SCAF1: variants seen among roughly 807,000 people sequenced by gnomAD.
SCAF1 encodes SR-related CTD associated factor 1.
In SCAF1, 28 loss-of-function variants were observed where a neutral mutation model predicts 91.2. That is an observed-to-expected ratio of 0.31 (90% confidence interval 0.23 to 0.42). SCAF1 has a LOEUF of 0.42. SCAF1 is among the 10% of genes least tolerant of loss of function. The pLI, the probability that SCAF1 is intolerant of heterozygous loss-of-function variation, is 1.00. For missense variants in SCAF1, 1,893 were observed against 1,872.1 expected (o/e 1.01, Z -0.21); for synonymous variants, 1,036 against 833.7 (o/e 1.24, Z -4.18).
At chr19:49,649,835 G>A (rs2081075452) in intron 6 of SCAF1, among the ~76,000 whole-genome samples, 1 of 152,218 alleles carries the variant, frequency 6.6e-6, no homozygotes, top group African/African-American at 2.4e-5. Flanking sequence ...CCATTTTATA[G>A]ATGAGGAAAC....
chr19:49,647,929 T>G (rs765918505), intron 6 of SCAF1, among the ~76,000 whole-genome samples: 7 of 150,262 alleles, frequency 4.7e-5, no homozygotes, highest in East Asian at 4.0e-4. Context: ...CACTGTGCCC[T>G]GCTACCTTGT....
At position 49,646,491 on chromosome 19, in the gene SCAF1, C is replaced by T. The variant is rs1394654552; in HGVS notation, c.262-35C>T. The T allele has an allele frequency of 6.3e-7, 1 of 1,581,348 alleles. No individual in the cohort carries two copies. Among genetic ancestry groups the T allele is most frequent in the Non-Finnish European group, 8.7e-7 (1 of 1,150,886 alleles). On this transcript the variant is annotated intron_variant, in intron 4 of 10. Coordinates refer to ENST00000360565, the MANE Select transcript of SCAF1 (RefSeq NM_021228.3). The surrounding 1 kb of genome is among the most constrained non-coding windows in gnomAD (Gnocchi z 5.6). ...CAGGATTTGCCAGTCTTCATGTGACCAGGGACGGCGTAGAGCCTCTCTGGC... is the reference window on the plus strand; with the variant it reads ...CAGGATTTGCCAGTCTTCATGTGACTAGGGACGGCGTAGAGCCTCTCTGGC...
In SCAF1 at chr19:49,651,018, C is replaced by G; in HGVS notation, c.629C>G (p.Pro210Arg). 1.3e-6 allele frequency: 1 copy of G among 749,938 alleles called. No individual in the cohort carries two copies. The highest frequency in any genetic ancestry group is 2.0e-6 in the Non-Finnish European group (1 of 492,144). The allele number at this position is 749,938 out of a possible 1,614,324, so 46.5% of individuals were successfully genotyped here. A position where few individuals can be genotyped will look rare whatever the true frequency, so the allele number is the denominator to read the frequency against. The change falls in exon 7 of 11, where the codon CCA (proline) becomes CGA (arginine). Residue 210 changes from proline (P) to arginine (R), a missense_variant. Coordinates refer to ENST00000360565, the MANE Select transcript of SCAF1 (RefSeq NM_021228.3). ...TCATCTTCCTCCCCTTCCCCTCCCC[C>G]ACCCCCACCGCCCCCTGCACCCCCA... ...SPSSSSPSPPPPPPPPAPPAP... is the reference protein window; with the variant it reads ...SPSSSSPSPPRPPPPPAPPAP...
chr19:49,652,374 C>T lies in SCAF1; in HGVS notation c.1985C>T (p.Ala662Val). ...CGGTCTGGGGATGGCAGCGAGAAGG[C>T]CCCGGCGCCCGCCCCGCCGCCCTCT... ...EKRSGDGSEK[A>V]PAPAPPPSGS... The change falls in exon 7 of 11, where the codon GCC (alanine) becomes GTC (valine). Residue 662 changes from alanine to valine, a missense_variant. Physicochemically the swap from Ala to Val is moderately conservative, Grantham distance 64. Coordinates refer to ENST00000360565, the MANE Select transcript of SCAF1 (RefSeq NM_021228.3). 4.5e-6 allele frequency: 7 copies of T among 1,542,454 alleles called. No individual in the cohort carries two copies. The highest frequency in any genetic ancestry group is 1.2e-5 in the South Asian group (1 of 83,922).
At chr19:49,641,461 C>T (rs1198154420), upstream of SCAF1, among the ~76,000 whole-genome samples, 1 of 152,062 alleles carries the variant, frequency 6.6e-6, no homozygotes, top group East Asian at 1.9e-4. Flanking sequence ...GGATTACAGG[C>T]GTTAGCCACC....
chr19:49,653,640 T>C lies in SCAF1; in HGVS notation c.3251T>C (p.Leu1084Ser). The change falls in exon 7 of 11, where the codon TTG (leucine) becomes TCG (serine). Residue 1084 changes from leucine (L) to serine (S), a missense_variant. Coordinates refer to ENST00000360565, the MANE Select transcript of SCAF1 (RefSeq NM_021228.3). ...TCCCGTGTCTCCCAGCTGCCCACGTTGCCCCCGCCCATGCCCTGGAATCTG... is the reference window on the plus strand; with the variant it reads ...TCCCGTGTCTCCCAGCTGCCCACGTCGCCCCCGCCCATGCCCTGGAATCTG... ...PASRVSQLPT[L>S]PPPMPWNLPA... 8 of 1,585,806 alleles carry C rather than the reference T, an allele frequency of 5.0e-6. No individual in the cohort carries two copies. The South Asian group carries it at 7.9e-5, about 16-fold the overall frequency.
intron 7 of SCAF1, 106 bp from the exon 8 acceptor site, chr19:49,654,243 C>T (rs2122512654): frequency 1.1e-6 from 1 of 949,968 alleles, no homozygotes; most frequent in African/African-American, 1.6e-5. Flanking sequence ...TGTGGCTGTT[C>T]TGGGGCCAAG....
At position 49,652,541 on chromosome 19, in the gene SCAF1, C is replaced by G. The variant is rs373236393; in HGVS notation, c.2152C>G (p.Pro718Ala). 1.3e-6 allele frequency: 2 copies of G among 1,568,956 alleles called. No individual in the cohort carries two copies. Among genetic ancestry groups the G allele is most frequent in the African/African-American group, 2.7e-5 (2 of 73,758 alleles). Reference protein sequence around the residue: ...GRLDKSDPRGPSPAPASSPKR... With the variant: ...GRLDKSDPRGASPAPASSPKR... ...GCTTGACAAGTCCGACCCCCGAGGA[C>G]CCTCTCCTGCTCCGGCCTCCTCACC... The change falls in exon 7 of 11, where the codon CCC becomes GCC. Residue 718 changes from proline (P) to alanine (A), a missense_variant. Around this residue, in one of 5 missense-constraint regions of SCAF1, gnomAD observed 1,436 missense variants for 1,306.8 expected, o/e 1.10. Coordinates refer to ENST00000360565, the MANE Select transcript of SCAF1 (RefSeq NM_021228.3).
intron 9 of SCAF1, among the ~76,000 whole-genome samples, chr19:49,655,920 C>T (rs929993921): frequency 6.6e-6 from 1 of 152,234 alleles, no homozygotes; most frequent in African/African-American, 2.4e-5. Context: ...ATTCTCCCAC[C>T]TCAGCCTCCC....
chr19:49,641,891 T>C (rs1168799215), upstream of SCAF1, among the ~76,000 whole-genome samples: 3 of 152,206 alleles, frequency 2.0e-5, no homozygotes, highest in Non-Finnish European at 4.4e-5. Context: ...TCACCTCCTG[T>C]TCCGCCACCC....
chr19:49,646,213 A>T lies in SCAF1; in HGVS notation c.261+11A>T, dbSNP rs759003891. Reference sequence around the variant, plus strand: ...ACTGACACGGCTACTGTGAGTAAGAAGAGGGGGCTGGGGGCCTGGCTCACG... The same window carrying T: ...ACTGACACGGCTACTGTGAGTAAGATGAGGGGGCTGGGGGCCTGGCTCACG... On this transcript the variant is annotated intron_variant, in intron 4 of 10. Transcript: ENST00000360565. The surrounding 1 kb of genome is among the most constrained non-coding windows in gnomAD (Gnocchi z 5.6). 9 of 1,560,230 alleles carry T rather than the reference A, an allele frequency of 5.8e-6. No individual in the cohort carries two copies. Among genetic ancestry groups the T allele is most frequent in the Non-Finnish European group, 6.9e-6 (8 of 1,153,656 alleles).
Position 49,646,873 on chromosome 19 carries a change from T to G in SCAF1, c.478+43T>G. 6.7e-7 allele frequency: 1 copy of G among 1,485,052 alleles called. No homozygotes were observed. Among genetic ancestry groups the G allele is most frequent in the Non-Finnish European group, 9.2e-7 (1 of 1,089,344 alleles). 92.0% of individuals were successfully genotyped at this position (1,485,052 alleles called of 1,614,324 possible). Reference sequence around the variant, plus strand: ...GGAGCTGGGCAGGTGGTCGTGGAGTTGTGTGGGGATCGGCTGTTTTTGGTA... The same window carrying G: ...GGAGCTGGGCAGGTGGTCGTGGAGTGGTGTGGGGATCGGCTGTTTTTGGTA... On this transcript the variant is annotated intron_variant, in intron 6 of 10. Transcript: ENST00000360565. The surrounding 1 kb of genome is among the most constrained non-coding windows in gnomAD (Gnocchi z 5.6).
rs1219751526 is a variant in SCAF1, at chr19:49,652,109, TCCCGC to T, written c.1721_1725del (p.Ser574PhefsTer77). ...CGCCTCGTCGTCCGCCCGCCGCCGCTCCCGCTCCCGCTCCCGCTCCCGCTCCACCC... is the reference window on the plus strand; with the variant it reads ...CGCCTCGTCGTCCGCCCGCCGCCGCTTCCCGCTCCCGCTCCCGCTCCACCC... On this transcript the variant is annotated frameshift_variant, in exon 7 of 11. Transcript: ENST00000360565. LOFTEE classifies it high-confidence loss of function. 1.2e-5 allele frequency: 5 copies of T among 424,592 alleles called. No individual in the cohort carries two copies. The highest frequency in any genetic ancestry group is 2.0e-4 in the Admixed American group (1 of 5,080). 26.3% of individuals were successfully genotyped at this position (424,592 alleles called of 1,614,324 possible).
At position 49,658,188 on chromosome 19, in the gene SCAF1, A is replaced by G. The variant is rs1158898405; in HGVS notation, c.3748-20A>G. ...GCCCCGGGAGCCTGGTGGTGACTCCAACTGTCCCCGGCCCCCCAGATCTGC... is the reference window on the plus strand; with the variant it reads ...GCCCCGGGAGCCTGGTGGTGACTCCGACTGTCCCCGGCCCCCCAGATCTGC... On this transcript the variant is annotated intron_variant, in intron 10 of 10. Transcript: ENST00000360565. 2 of 1,605,282 alleles carry G rather than the reference A, an allele frequency of 1.2e-6. No homozygotes were observed. The highest frequency in any genetic ancestry group is 2.7e-5 in the African/African-American group (2 of 74,832).
At position 49,646,662 on chromosome 19, in the gene SCAF1, A is replaced by T; in HGVS notation, c.362+36A>T. On this transcript the variant is annotated intron_variant, in intron 5 of 10. Coordinates refer to ENST00000360565, the MANE Select transcript of SCAF1 (RefSeq NM_021228.3). The surrounding 1 kb of genome is among the most constrained non-coding windows in gnomAD (Gnocchi z 5.6). ...GGGCAGCTGGAGTGGGAGAGGCCTC[A>T]GCGTGAGAGCCAGAAGCACCCCTGA... 2 of 1,612,668 alleles carry T rather than the reference A, an allele frequency of 1.2e-6. No homozygotes were observed. Among genetic ancestry groups the T allele is most frequent in the Middle Eastern group, 3.3e-4 (2 of 6,054 alleles).
At chr19:49,649,656 C>T (rs558533045) in intron 6 of SCAF1, among the ~76,000 whole-genome samples, 5 of 152,288 alleles carry the variant, frequency 3.3e-5, no homozygotes, top group East Asian at 1.9e-4. Flanking sequence ...CCACCACACC[C>T]GGCTAATTTG....
Position 49,652,516 on chromosome 19 carries a change from G to C in SCAF1, c.2127G>C (p.Arg709=), listed in dbSNP as rs1218693151. The part of the protein sequence containing the change: ...FAIKRTITVG[R]LDKSDPRGPS... ...TCAAGCGGACCATCACGGTGGGCCG[G>C]CTTGACAAGTCCGACCCCCGAGGAC... The change falls in exon 7 of 11, where the codon CGG becomes CGC. Residue 709 remains arginine (R), a synonymous_variant. Transcript: ENST00000360565. 3 of 1,576,456 alleles carry C rather than the reference G, an allele frequency of 1.9e-6. No individual in the cohort carries two copies. Among genetic ancestry groups the C allele is most frequent in the Non-Finnish European group, 2.6e-6 (3 of 1,161,200 alleles).
rs2081048248 is a variant in SCAF1 at position 49,645,284 on chromosome 19, T to A, written c.109-70T>A. On this transcript the variant is annotated intron_variant, in intron 2 of 10. Coordinates refer to ENST00000360565, the MANE Select transcript of SCAF1 (RefSeq NM_021228.3). This position sits in a 1 kb window ranked among gnomAD's most constrained non-coding sequence, Gnocchi z 4.6. Reference sequence around the variant, plus strand: ...GCTGTCAGTGTCTGGGATGTCTGTCTCCCAAGGGGCAGAGGTTGCAAAGCA... The same window carrying A: ...GCTGTCAGTGTCTGGGATGTCTGTCACCCAAGGGGCAGAGGTTGCAAAGCA... 1 of 1,571,736 alleles carries A rather than the reference T, an allele frequency of 6.4e-7. No homozygotes were observed. Among genetic ancestry groups the A allele is most frequent in the South Asian group, 1.1e-5 (1 of 90,144 alleles).
chr19:49,651,902 C>T lies in SCAF1; in HGVS notation c.1513C>T (p.Pro505Ser). ...RQRSPSPAPA[P>S]APAAAAGPPT... The stretch of plus-strand genomic sequence containing the variant: ...GCGCTCGCCCTCCCCGGCGCCCGCG[C>T]CCGCCCCGGCCGCCGCTGCTGGTCC... The change falls in exon 7 of 11, where the codon CCC becomes TCC. Residue 505 changes from proline to serine, a missense_variant. Pro to Ser is a moderately conservative substitution (Grantham distance 74). This residue lies in a region of SCAF1 where 1,436 missense variants were observed against 1,306.8 expected (regional missense o/e 1.10). Transcript: ENST00000360565. 1 of 1,156,630 alleles carries T rather than the reference C, an allele frequency of 8.6e-7. No individual in the cohort carries two copies. The highest frequency in any genetic ancestry group is 1.1e-6 in the Non-Finnish European group (1 of 936,308). 71.6% of individuals were successfully genotyped at this position (1,156,630 alleles called of 1,614,324 possible).
Sources: gnomAD v4.1 joint callset for allele counts (sites outside exome capture counted in the v4.1 genomes callset) on GRCh38, gnomAD v4.1.1 for gene constraint, gnomAD v4.1.1 regional missense constraint, Gnocchi (gnomAD v3.1) non-coding constraint, MANE v1.5 for transcripts, NCBI Gene and HGNC (gene_info 2026-07-23, HGNC 2026-07-21) for gene names.